Variants in NXPH1 observed in about 807,000 individuals in gnomAD.
The protein encoded by NXPH1 is neurexophilin-1.
In NXPH1, 5 loss-of-function variants were observed where a neutral mutation model predicts 23.7. That is an observed-to-expected ratio of 0.21 (90% CI 0.11 to 0.44). The LOEUF is 0.44. Among genes scored for constraint, NXPH1 ranks in the 20% least tolerant of loss-of-function variants. The probability of loss-of-function intolerance (pLI) is 0.99; values close to 1 mark genes in which losing one functional copy is unlikely to be tolerated. For synonymous variants in NXPH1, 144 were observed against 122.2 expected, an observed-to-expected ratio of 1.18 and a Z score of -1.18; for missense variants, 324 against 321.6, an observed-to-expected ratio of 1.01 and a Z score of -0.06.
chr7:8,485,563 G>A (rs1000005918), intron 2 of NXPH1, among the ~76,000 whole-genome samples: 9 of 151,910 alleles, frequency 5.9e-5, no homozygotes, highest in East Asian at 1.9e-4. Context: ...GTTCTTCTCC[G>A]GGCCCCATGA....
intron 2 of NXPH1, among the ~76,000 whole-genome samples, chr7:8,565,971 A>G (rs1394666309): frequency 6.6e-6 from 1 of 151,834 alleles, no homozygotes; most frequent in Non-Finnish European, 1.5e-5. Context: ...TGTGTCTTAA[A>G]GTGCTGACAG....
chr7:8,615,614 T>C (rs1305841488), intron 2 of NXPH1, among the ~76,000 whole-genome samples: 1 of 152,126 alleles, frequency 6.6e-6, no homozygotes, highest in African/African-American at 2.4e-5. Context: ...ATAACTATTA[T>C]GTCAATATTT....
At chr7:8,557,906 C>G (rs1818386318) in intron 2 of NXPH1, among the ~76,000 whole-genome samples, 1 of 151,668 alleles carries the variant, frequency 6.6e-6, no homozygotes, top group South Asian at 2.1e-4. Flanking sequence ...TGCTTCTTTA[C>G]TTTCTGATCA....
At chr7:8,538,174 T>C (rs531929737) in intron 2 of NXPH1, among the ~76,000 whole-genome samples, 3 of 152,040 alleles carry the variant, frequency 2.0e-5, no homozygotes, top group African/African-American at 7.2e-5. Context: ...TCAATAAATA[T>C]TGATTCTCAC....
In NXPH1 at chr7:8,636,718, C is replaced by T. The variant is rs137880485; in HGVS notation, c.55-114290C>T. 7.5e-3 allele frequency among the ~76,000 whole-genome samples: 1,149 copies of T among 152,310 alleles called. 19 individuals are homozygous for T. The highest frequency in any genetic ancestry group is 0.026 in the African/African-American group (1,075 of 41,570). On this transcript the variant is annotated intron_variant, in intron 2 of 2. Coordinates refer to ENST00000405863, the MANE Select transcript of NXPH1 (RefSeq NM_152745.3). ...GGCAAATGATGACATACGTTACACA[C>T]GTATTCCACGTCTGGCTTAATCTTC... is the stretch of plus-strand genomic sequence containing the variant.
rs549118157 is a variant in NXPH1 at position 8,647,779 on chromosome 7, G to GTTT, written c.55-103219_55-103217dup. On this transcript the variant is annotated intron_variant, in intron 2 of 2. Transcript: ENST00000405863. ...CTGATTCAATTTTCTTAACCATTCG[G>GTTT]TTTTTTTTTTTTAACTAAGTTTGGT... Among the ~76,000 whole-genome samples, 1,331 of 139,288 alleles carry GTTT rather than the reference G, an allele frequency of 9.6e-3. 22 individuals carry two copies. Among genetic ancestry groups the GTTT allele is most frequent in the African/African-American group, 0.033 (1,256 of 38,330 alleles). The allele number at this position is 139,288 out of a possible 152,430, so 91.4% of individuals were successfully genotyped here. A position where few individuals can be genotyped will look rare whatever the true frequency, so the allele number is the denominator to read the frequency against.
At chr7:8,728,117 A>G (rs1042613231) in intron 2 of NXPH1, among the ~76,000 whole-genome samples, 138 of 151,474 alleles carry the variant, frequency 9.1e-4, no homozygotes, top group Non-Finnish European at 1.5e-3. Context: ...ATGGGAGTTC[A>G]CTCATGATTT....
At chr7:8,658,248 G>A (rs1006520345) in intron 2 of NXPH1, among the ~76,000 whole-genome samples, 2 of 152,170 alleles carry the variant, frequency 1.3e-5, no homozygotes, top group African/African-American at 4.8e-5. Context: ...CTCTCTCAGT[G>A]CCTAAATTGT....
intron 2 of NXPH1, among the ~76,000 whole-genome samples, chr7:8,565,624 A>G (rs149972426): frequency 0.026 from 3,998 of 151,968 alleles, 85 homozygotes; most frequent in Non-Finnish European, 0.036. Flanking sequence ...GAAACTATGT[A>G]GCAACAAAAT....
chr7:8,668,265 T>TG (rs1285645008), intron 2 of NXPH1, among the ~76,000 whole-genome samples: 3 of 85,106 alleles, frequency 3.5e-5, no homozygotes, highest in Non-Finnish European at 5.3e-5. Context: ...TGTTTTTTTT[T>TG]TTTTATTTTG....
chr7:8,506,388 G>A (rs140512276), intron 2 of NXPH1, among the ~76,000 whole-genome samples: 1 of 152,066 alleles, frequency 6.6e-6, no homozygotes, highest in African/African-American at 2.4e-5. Context: ...ATAAAATGGG[G>A]ATGCTATTAA....
rs183299017 is a variant in NXPH1 at position 8,739,510 on chromosome 7, C to T, written c.55-11498C>T. ...TAACCATTCCCTGTGAGATGAGCTG[C>T]GTACCTCAGCTGGAAATGCAGAAGT... is the stretch of plus-strand genomic sequence containing the variant. On this transcript the variant is annotated intron_variant, in intron 2 of 2. Transcript: ENST00000405863. Among the ~76,000 whole-genome samples, 16 of 152,186 alleles carry T rather than the reference C, an allele frequency of 1.1e-4. No individual in the cohort carries two copies. In the East Asian group the frequency reaches 2.1e-3, roughly 20 times the overall value.
chr7:8,470,792 T>C (rs1253563149), intron 2 of NXPH1, among the ~76,000 whole-genome samples: 1 of 152,166 alleles, frequency 6.6e-6, no homozygotes, highest in African/African-American at 2.4e-5. Flanking sequence ...GGTCCTACTT[T>C]TGTAGCATGT....
intron 2 of NXPH1, among the ~76,000 whole-genome samples, chr7:8,525,022 C>T (rs886150812): frequency 6.6e-6 from 1 of 152,134 alleles, no homozygotes; most frequent in Non-Finnish European, 1.5e-5. Flanking sequence ...TAGGTTAGAA[C>T]AATTTGAAGG....
At chr7:8,511,410 T>C (rs1817609606) in intron 2 of NXPH1, among the ~76,000 whole-genome samples, 3 of 152,116 alleles carry the variant, frequency 2.0e-5, no homozygotes, top group African/African-American at 2.4e-5. Context: ...CAGCCTTTGA[T>C]TTCAGATTTC....
chr7:8,464,930 C>A (rs974960896), intron 2 of NXPH1, among the ~76,000 whole-genome samples: 2 of 152,096 alleles, frequency 1.3e-5, no homozygotes, highest in African/African-American at 2.4e-5. Flanking sequence ...AGACTGTGGA[C>A]TTTTGATGTT....
chr7:8,683,298 C>G (rs1399230139), intron 2 of NXPH1, among the ~76,000 whole-genome samples: 1 of 152,172 alleles, frequency 6.6e-6, no homozygotes, highest in East Asian at 1.9e-4. Flanking sequence ...TCCATTAGGC[C>G]TCACTTCCAA....
intron 2 of NXPH1, among the ~76,000 whole-genome samples, chr7:8,679,850 G>C (rs1821024506): frequency 6.6e-6 from 1 of 152,236 alleles, no homozygotes; most frequent in South Asian, 2.1e-4. Flanking sequence ...GTGAAACTCT[G>C]TCTCTACTAA....
At position 8,685,821 on chromosome 7, in the gene NXPH1, TA is replaced by T. The variant is rs58047305; in HGVS notation, c.55-65177del. ...GGGGAAGTGGGGATGGTTAATAGGT[TA>T]AAAAAAAAATAGAAAGAATGAATAA... On this transcript the variant is annotated intron_variant, in intron 2 of 2. Coordinates refer to ENST00000405863, the MANE Select transcript of NXPH1 (RefSeq NM_152745.3). Among the ~76,000 whole-genome samples the T allele has an allele frequency of 1.4e-4, 21 of 149,382 alleles. 1 individual carries two copies. The highest frequency in any genetic ancestry group is 7.9e-4 in the East Asian group (4 of 5,080).
Sources: allele counts gnomAD v4.1 joint callset (sites outside exome capture counted in the v4.1 genomes callset), GRCh38; gene constraint gnomAD v4.1.1; transcripts MANE v1.5; gene names NCBI Gene and HGNC (gene_info 2026-07-23, HGNC 2026-07-21).